Variants in TMEM178B observed in about 807,000 individuals in gnomAD.
TMEM178B encodes transmembrane protein 178B.
A neutral mutation model predicts 31.0 loss-of-function variants in TMEM178B; 5 were observed. The observed-to-expected ratio is 0.16, with a 90% CI of 0.08 to 0.34. The LOEUF is 0.34. Among genes scored for constraint, TMEM178B ranks in the 10% least tolerant of loss-of-function variants. The probability of loss-of-function intolerance (pLI) is 1.00; values close to 1 mark genes in which losing one functional copy is unlikely to be tolerated. For synonymous variants in TMEM178B, 164 were observed against 164.0 expected, an observed-to-expected ratio of 1.00 and a Z score of 0.00; for missense variants, 275 against 400.3, an observed-to-expected ratio of 0.69 and a Z score of 2.67.
Position 141,318,065 on chromosome 7 carries a change from A to C in TMEM178B, c.496+105361A>C, listed in dbSNP as rs1011224487. ...AGATTTATTTTAAATGAAAACAATT[A>C]TTGAATAAGCTTTCTTTTCAGATCT... On this transcript the variant is annotated intron_variant, in intron 2 of 3. Transcript: ENST00000565468. This position sits in a 1 kb window ranked among gnomAD's most constrained non-coding sequence, Gnocchi z 4.1. Among the ~76,000 whole-genome samples the C allele has an allele frequency of 6.6e-6, 1 of 152,224 alleles. No individual in the cohort carries two copies. The highest frequency in any genetic ancestry group is 2.4e-5 in the African/African-American group (1 of 41,460).
In TMEM178B at chr7:141,342,323, G is replaced by A. The variant is rs562202865; in HGVS notation, c.497-95285G>A. ...CAGTATCATTGGTTCTAACCTTCCC[G>A]ATGTGGATAAGTGAATCACTAAAGT... is the stretch of plus-strand genomic sequence containing the variant. On this transcript the variant is annotated intron_variant, in intron 2 of 3. Transcript: ENST00000565468. Among the ~76,000 whole-genome samples the A allele has an allele frequency of 1.4e-3, 215 of 152,326 alleles. 2 individuals carry two copies. Among genetic ancestry groups the A allele is most frequent in the African/African-American group, 4.8e-3 (200 of 41,578 alleles).
At chr7:141,083,877 A>C (rs1794732723) in intron 1 of TMEM178B, among the ~76,000 whole-genome samples, 1 of 86,008 alleles carries the variant, frequency 1.2e-5, no homozygotes, top group Non-Finnish European at 2.1e-5. Context: ...TCATTCATTC[A>C]GCAGAATTTT....
At chr7:141,238,948 C>T (rs1797572437) in intron 2 of TMEM178B, among the ~76,000 whole-genome samples, 1 of 152,178 alleles carries the variant, frequency 6.6e-6, no homozygotes, top group African/African-American at 2.4e-5. Context: ...AGTAGGTTAG[C>T]TCTTGGCTGT....
chr7:141,441,833 T>C (rs959297986), intron 3 of TMEM178B, among the ~76,000 whole-genome samples: 4 of 152,182 alleles, frequency 2.6e-5, no homozygotes, highest in African/African-American at 7.2e-5. Context: ...CTGGTCAAAG[T>C]AGGGGCACCC....
chr7:141,237,331 A>G (rs1797543202), intron 2 of TMEM178B, among the ~76,000 whole-genome samples: 1 of 152,160 alleles, frequency 6.6e-6, no homozygotes, highest in African/African-American at 2.4e-5. Context: ...AAAAATTGGT[A>G]ATGATCTTAA....
At chr7:141,367,696 G>A (rs938805398) in intron 2 of TMEM178B, among the ~76,000 whole-genome samples, 1 of 152,128 alleles carries the variant, frequency 6.6e-6, no homozygotes, top group Non-Finnish European at 1.5e-5. Flanking sequence ...ATAGAAACAA[G>A]GTATAATTTC....
chr7:141,398,510 A>T (rs898809041), intron 2 of TMEM178B, among the ~76,000 whole-genome samples: 1 of 152,094 alleles, frequency 6.6e-6, no homozygotes, highest in Admixed American at 6.5e-5. Flanking sequence ...CTTTCCTCCC[A>T]TCCCCTCTGT....
chr7:141,232,439 A>G (rs899448345), intron 2 of TMEM178B, among the ~76,000 whole-genome samples: 2 of 152,154 alleles, frequency 1.3e-5, no homozygotes, highest in Non-Finnish European at 2.9e-5. Context: ...GTGTTAAAGC[A>G]TTCCTTTTTC....
At chr7:141,427,943 A>G (rs994274158) in intron 2 of TMEM178B, among the ~76,000 whole-genome samples, 3 of 152,214 alleles carry the variant, frequency 2.0e-5, no homozygotes, top group Admixed American at 6.5e-5. Context: ...CAACAGGTAT[A>G]TACAAAAATG....
At chr7:141,467,756 TCAC>T (rs1386186193) in intron 3 of TMEM178B, among the ~76,000 whole-genome samples, 1 of 152,156 alleles carries the variant, frequency 6.6e-6, no homozygotes, top group Non-Finnish European at 1.5e-5. Flanking sequence ...CAATGCGCCC[TCAC>T]CACAGACATC....
intron 3 of TMEM178B, among the ~76,000 whole-genome samples, chr7:141,446,569 C>T (rs1801761668): frequency 6.6e-6 from 1 of 152,176 alleles, no homozygotes; most frequent in Non-Finnish European, 1.5e-5. Context: ...TTCTCTGCCT[C>T]TTGATTGGGG....
chr7:141,422,760 G>C lies in TMEM178B; in HGVS notation c.497-14848G>C, dbSNP rs188282152. Among the ~76,000 whole-genome samples, 29 of 152,312 alleles carry C rather than the reference G, an allele frequency of 1.9e-4. No individual in the cohort carries two copies. Among genetic ancestry groups the C allele is most frequent in the African/African-American group, 6.5e-4 (27 of 41,572 alleles). On this transcript the variant is annotated intron_variant, in intron 2 of 3. Coordinates refer to ENST00000565468, the MANE Select transcript of TMEM178B (RefSeq NM_001195278.2). The surrounding 1 kb of genome is among the most constrained non-coding windows in gnomAD (Gnocchi z 4.2). ...GACGTGCAGTGGCTGGAGTGGGGAA[G>C]CTCCCATGGGGAGAGAATAGAAATG... is the stretch of plus-strand genomic sequence containing the variant.
chr7:141,308,885 A>G (rs1435957934), intron 2 of TMEM178B, among the ~76,000 whole-genome samples: 2 of 152,144 alleles, frequency 1.3e-5, no homozygotes, highest in Non-Finnish European at 1.5e-5. Context: ...GTGTTTCCCA[A>G]TTTAACATTA....
chr7:141,330,710 C>A (rs530943991), intron 2 of TMEM178B, among the ~76,000 whole-genome samples: 21 of 152,272 alleles, frequency 1.4e-4, no homozygotes, highest in African/African-American at 3.9e-4. Flanking sequence ...TGGGAAGCCA[C>A]TGGGAGGCTT....
intron 2 of TMEM178B, among the ~76,000 whole-genome samples, chr7:141,361,159 G>T (rs1563161830): frequency 2.0e-5 from 3 of 152,166 alleles, no homozygotes; most frequent in Non-Finnish European, 4.4e-5. Flanking sequence ...TTCAAGAGAG[G>T]CCAGTCTCAA....
Position 141,471,789 on chromosome 7 carries a change from T to TGC in TMEM178B, c.*1004_*1005insCG, listed in dbSNP as rs1461881836. 277 of 126,158 alleles carry TGC rather than the reference T, an allele frequency of 2.2e-3. 1 individual carries two copies. The highest frequency in any genetic ancestry group is 0.012 in the African/African-American group (247 of 21,462). 7.8% of individuals were successfully genotyped at this position (126,158 alleles called of 1,614,324 possible). A position where few individuals can be genotyped will look rare whatever the true frequency, so the allele number is the denominator to read the frequency against. ...GGAGTGGTGTGTGTGTGCGTGTGTG[T>TGC]GTGTGTGTGTGTGTGTGTGTGTGTG... On this transcript the variant is annotated 3_prime_UTR_variant, in exon 4 of 4. Transcript: ENST00000565468. This position sits in a 1 kb window ranked among gnomAD's most constrained non-coding sequence, Gnocchi z 4.1.
At chr7:141,402,164 A>G (rs1800792815) in intron 2 of TMEM178B, among the ~76,000 whole-genome samples, 1 of 152,226 alleles carries the variant, frequency 6.6e-6, no homozygotes, top group Non-Finnish European at 1.5e-5. Flanking sequence ...AGGCACTCCA[A>G]GGAAGGGTTA....
At chr7:141,352,121 T>A (rs981400004) in intron 2 of TMEM178B, 2 of 152,496 alleles carry the variant, frequency 1.3e-5, no homozygotes, top group African/African-American at 4.8e-5. Context: ...AGGGGCAGCA[T>A]GTGAAGAAGG....
At chr7:141,101,021 C>T (rs1795047836) in intron 1 of TMEM178B, among the ~76,000 whole-genome samples, 1 of 152,180 alleles carries the variant, frequency 6.6e-6, no homozygotes, top group Non-Finnish European at 1.5e-5. Flanking sequence ...TATGTGCCCT[C>T]AAGCTATTAC....
Sources: gnomAD v4.1 joint callset for allele counts (sites outside exome capture counted in the v4.1 genomes callset) on GRCh38, gnomAD v4.1.1 for gene constraint, Gnocchi (gnomAD v3.1) non-coding constraint, MANE v1.5 for transcripts, NCBI Gene and HGNC (gene_info 2026-07-23, HGNC 2026-07-21) for gene names.